Variants in CNTNAP2 observed in about 807,000 individuals in gnomAD.
CNTNAP2 encodes contactin-associated protein-like 2.
CNTNAP2 carries 98 observed loss-of-function variants against 155.2 expected under a neutral mutation model. That is an observed-to-expected ratio of 0.63 (90% CI 0.54 to 0.75). The LOEUF (loss-of-function observed/expected upper bound fraction) is 0.75, where lower values mean the gene tolerates loss of function less well. Among genes scored for constraint, CNTNAP2 ranks in the 30% least tolerant of loss-of-function variants. The probability of loss-of-function intolerance (pLI) is 0.00; values close to 1 mark genes in which losing one functional copy is unlikely to be tolerated. For synonymous variants in CNTNAP2, 651 were observed against 631.2 expected (o/e 1.03, Z -0.47); for missense variants, 1,727 against 1,688.1 (o/e 1.02, Z -0.40).
chr7:147,574,143 CTT>C (rs1255990450), intron 12 of CNTNAP2, among the ~76,000 whole-genome samples: 1 of 152,032 alleles, frequency 6.6e-6, no homozygotes, highest in East Asian at 1.9e-4. Flanking sequence ...AATCAGAGTT[CTT>C]TTTTCTTCTT....
At chr7:147,545,860 G>A (rs73164307) in intron 11 of CNTNAP2, among the ~76,000 whole-genome samples, 4,742 of 152,278 alleles carry the variant, frequency 0.031, 82 homozygotes, top group Middle Eastern at 0.048. Flanking sequence ...GGAAATAATT[G>A]AATCATGGGA....
At chr7:147,256,765 A>G (rs1363251226) in intron 8 of CNTNAP2, among the ~76,000 whole-genome samples, 3 of 152,152 alleles carry the variant, frequency 2.0e-5, no homozygotes, top group African/African-American at 7.2e-5. Flanking sequence ...GGAACAGGAC[A>G]GTTAATGGAC....
intron 6 of CNTNAP2, among the ~76,000 whole-genome samples, chr7:147,126,409 T>C (rs1328509082): frequency 6.6e-6 from 1 of 152,182 alleles, no homozygotes; most frequent in Non-Finnish European, 1.5e-5. Flanking sequence ...ACTATCAGCT[T>C]CGTTAAAGTG....
chr7:146,757,895 T>G (rs1201536834), intron 1 of CNTNAP2, among the ~76,000 whole-genome samples: 1 of 152,172 alleles, frequency 6.6e-6, no homozygotes, highest in Non-Finnish European at 1.5e-5. Context: ...ATTCAGTGGA[T>G]TGGGCCTTCT....
chr7:147,336,474 C>T (rs1199805732), intron 9 of CNTNAP2, among the ~76,000 whole-genome samples: 2 of 152,080 alleles, frequency 1.3e-5, no homozygotes, highest in African/African-American at 4.8e-5. Context: ...CCTTAAGACA[C>T]TTGGGGTTTG....
chr7:147,919,316 G>A (rs1250171982), intron 14 of CNTNAP2, among the ~76,000 whole-genome samples: 2 of 151,640 alleles, frequency 1.3e-5, no homozygotes, highest in African/African-American at 4.9e-5. Flanking sequence ...AGGTCTCACT[G>A]TGTCACCCAA....
At chr7:148,316,347 A>G (rs917307096) in intron 21 of CNTNAP2, among the ~76,000 whole-genome samples, 2 of 55,170 alleles carry the variant, frequency 3.6e-5, no homozygotes, top group Non-Finnish European at 1.4e-4. Flanking sequence ...ATAAAAATAT[A>G]TTAAAAAAAA....
At chr7:147,364,846 C>A (rs1358961711) in intron 9 of CNTNAP2, among the ~76,000 whole-genome samples, 2 of 147,938 alleles carry the variant, frequency 1.4e-5, no homozygotes, top group African/African-American at 2.5e-5. Flanking sequence ...GAGACTCAGT[C>A]TCGGGAAAAA....
chr7:147,685,509 C>CTTCA (rs762759005), intron 13 of CNTNAP2, among the ~76,000 whole-genome samples: 4 of 151,932 alleles, frequency 2.6e-5, no homozygotes, highest in East Asian at 1.9e-4. Flanking sequence ...ACAATGGTGA[C>CTTCA]TTCATTCATT....
chr7:147,926,681 T>C (rs1394557901), intron 14 of CNTNAP2, among the ~76,000 whole-genome samples: 1 of 152,184 alleles, frequency 6.6e-6, no homozygotes. Flanking sequence ...AAGTTTATCT[T>C]ATAAACACGT....
intron 11 of CNTNAP2, among the ~76,000 whole-genome samples, chr7:147,512,563 G>A (rs4259327): frequency 0.93 from 142,077 of 152,230 alleles, 66,347 homozygotes; most frequent in East Asian, 1. Context: ...TCATGATATT[G>A]CAAAGAGATT....
At chr7:147,054,542 C>A (rs1309266074) in intron 4 of CNTNAP2, among the ~76,000 whole-genome samples, 1 of 151,954 alleles carries the variant, frequency 6.6e-6, no homozygotes, top group Non-Finnish European at 1.5e-5. Context: ...ACTTATAATC[C>A]GTTTAATGTA....
intron 23 of CNTNAP2, chr7:148,414,932 G>GACTT (rs1173917403): frequency 9.6e-6 from 2 of 209,282 alleles, no homozygotes; most frequent in Non-Finnish European, 1.9e-5. Flanking sequence ...AATTCAGAGA[G>GACTT]ACTTATGTGC....
chr7:147,816,626 T>C (rs1379509142), intron 13 of CNTNAP2, among the ~76,000 whole-genome samples: 1 of 152,140 alleles, frequency 6.6e-6, no homozygotes, highest in African/African-American at 2.4e-5. Context: ...AGGCACCAAC[T>C]ACTTGCTCTG....
At chr7:146,966,371 C>G (rs946634844) in intron 3 of CNTNAP2, among the ~76,000 whole-genome samples, 1 of 152,122 alleles carries the variant, frequency 6.6e-6, no homozygotes, top group Non-Finnish European at 1.5e-5. Context: ...CATGAAAATT[C>G]ATGTATAAAA....
chr7:147,761,956 C>T (rs1434835405), intron 13 of CNTNAP2, among the ~76,000 whole-genome samples: 1 of 152,074 alleles, frequency 6.6e-6, no homozygotes, highest in African/African-American at 2.4e-5. Context: ...ATGCAAAAGT[C>T]AGTCTTAGTA....
chr7:147,147,330 G>A (rs1186691623), intron 8 of CNTNAP2, among the ~76,000 whole-genome samples: 2 of 152,136 alleles, frequency 1.3e-5, no homozygotes, highest in Non-Finnish European at 2.9e-5. Flanking sequence ...AGATTTGGGT[G>A]GAGATACAAC....
intron 1 of CNTNAP2, among the ~76,000 whole-genome samples, chr7:146,268,572 A>G (rs1239102422): frequency 6.6e-6 from 1 of 152,196 alleles, no homozygotes. Flanking sequence ...TCTTTTGTTT[A>G]CTTCTATCTG....
intron 15 of CNTNAP2, among the ~76,000 whole-genome samples, chr7:148,096,339 G>A (rs957721194): frequency 2.0e-5 from 3 of 150,482 alleles, no homozygotes; most frequent in Non-Finnish European, 4.4e-5. Context: ...ATAGATTAAG[G>A]CTGAGAAGTA....
Sources: gnomAD v4.1 joint callset for allele counts (sites outside exome capture counted in the v4.1 genomes callset) on GRCh38, gnomAD v4.1.1 for gene constraint, MANE v1.5 for transcripts, NCBI Gene and HGNC (gene_info 2026-07-23, HGNC 2026-07-21) for gene names.